FAM153A: variants seen among roughly 807,000 people sequenced by gnomAD.
FAM153A encodes the protein protein FAM153A.
Under a neutral mutation model 48.1 loss-of-function variants are expected in FAM153A, and 12 were observed. That is an observed-to-expected ratio of 0.25 (90% CI 0.16 to 0.40). The LOEUF (loss-of-function observed/expected upper bound fraction) is 0.40, where lower values mean the gene tolerates loss of function less well. Ranked by LOEUF, FAM153A falls within the 10% of genes least tolerant of loss-of-function variation. FAM153A has a pLI of 1.00. For missense variants in FAM153A, 111 were observed against 345.8 expected, an observed-to-expected ratio of 0.32 and a Z score of 5.38; for synonymous variants, 36 against 118.2, an observed-to-expected ratio of 0.30 and a Z score of 4.51.
upstream of FAM153A, among the ~76,000 whole-genome samples, chr5:177,754,462 C>G (rs1767477310): frequency 6.6e-6 from 1 of 151,948 alleles, no homozygotes; most frequent in South Asian, 2.1e-4. Flanking sequence ...CTTAAATGTC[C>G]CTGTCTGACA....
chr5:177,737,223 C>T, intron 10 of FAM153A, 111 bp from the exon 13 acceptor site: 1 of 1,578,156 alleles, frequency 6.3e-7, no homozygotes, highest in East Asian at 2.3e-5. Flanking sequence ...GTTCACAGCA[C>T]AGACTCAGCT....
chr5:177,707,159 A>G (rs1251663920), downstream of FAM153A, among the ~76,000 whole-genome samples: 1 of 151,890 alleles, frequency 6.6e-6, no homozygotes, highest in Non-Finnish European at 1.5e-5. Flanking sequence ...CAAAGACCAG[A>G]CTGACTCCAA....
At chr5:177,724,077 G>A in exon 21 of FAM153A, 3 of 1,610,790 alleles carry the variant, frequency 1.9e-6, no homozygotes, top group Non-Finnish European at 2.5e-6. Flanking sequence ...CCTGGAGCAT[G>A]TTCTCAGGGC....
intron 6 of FAM153A, 138 bp from the exon 9 acceptor site, chr5:177,741,470 T>A: frequency 1.3e-6 from 1 of 742,388 alleles, no homozygotes; most frequent in Admixed American, 3.8e-5. Context: ...TGCCAGAACA[T>A]CCTCCTTGGT....
the FAM153A span, among the ~76,000 whole-genome samples, chr5:177,698,516 C>T: frequency 2.0e-5 from 3 of 151,730 alleles, no homozygotes; most frequent in African/African-American, 7.3e-5. Context: ...GCTTATTGCC[C>T]TCTAAAAGAG....
intron 6 of FAM153A, among the ~76,000 whole-genome samples, chr5:177,743,621 T>C (rs866356904): frequency 2.0e-3 from 193 of 97,274 alleles, no homozygotes; most frequent in African/African-American, 7.3e-3. Flanking sequence ...CGCTGTAGCA[T>C]GAGGCTGCTC....
upstream of FAM153A, among the ~76,000 whole-genome samples, chr5:177,781,870 C>T (rs1373026920): frequency 1.1e-5 from 1 of 91,118 alleles, no homozygotes; most frequent in African/African-American, 4.1e-5. Context: ...AGGCGCCCGC[C>T]ACCACGCCCG....
exon 2 of FAM153A, chr5:177,750,969 T>G: frequency 2.2e-6 from 3 of 1,356,828 alleles, no homozygotes; most frequent in Non-Finnish European, 3.0e-6. Flanking sequence ...CAGTGATAGG[T>G]GATTGGCTTC....
the FAM153A span, among the ~76,000 whole-genome samples, chr5:177,695,807 C>T: frequency 1.3e-5 from 2 of 151,662 alleles, no homozygotes; most frequent in Non-Finnish European, 2.9e-5. Flanking sequence ...GATGGGGCGG[C>T]CGGGCAGAGG....
chr5:177,752,863 G>T (rs1162099227), intron 1 of FAM153A, among the ~76,000 whole-genome samples: 1 of 137,606 alleles, frequency 7.3e-6, no homozygotes, highest in Non-Finnish European at 1.5e-5. Context: ...GGGAGGTGGA[G>T]GTTGCTGTGA....
chr5:177,713,503 C>T (rs1190681300), intron 26 of FAM153A, among the ~76,000 whole-genome samples: 2 of 151,548 alleles, frequency 1.3e-5, no homozygotes, highest in Non-Finnish European at 2.9e-5. Flanking sequence ...GTGATCCGCC[C>T]ACCTCAGCCT....
chr5:177,717,120 A>G (rs1286042157), intron 24 of FAM153A: 2 of 147,304 alleles, frequency 1.4e-5, no homozygotes, highest in Admixed American at 1.4e-4. Context: ...AGTAAAGTCA[A>G]AGGTAGAATT....
rs1210631821 is a variant in FAM153A at position 177,752,759 on chromosome 5, C to T, written c.31+417G>A. On this transcript the variant is annotated intron_variant, in intron 1 of 20. Coordinates refer to ENST00000614127, the Ensembl canonical transcript of FAM153A. ...CCTTGCCAACATGGTAAAACCCTGT[C>T]TCTACTAAACATACGAAAATTAGCC... Among the ~76,000 whole-genome samples, 15 of 134,378 alleles carry T rather than the reference C, an allele frequency of 1.1e-4. No homozygotes were observed. In the South Asian group the frequency reaches 3.1e-3, roughly 28 times the overall value. The allele number at this position is 134,378 out of a possible 152,430, so 88.2% of individuals were successfully genotyped here. A position where few individuals can be genotyped will look rare whatever the true frequency, so the allele number is the denominator to read the frequency against.
At chr5:177,707,154 A>G (rs1757949486), downstream of FAM153A, among the ~76,000 whole-genome samples, 1 of 151,866 alleles carries the variant, frequency 6.6e-6, no homozygotes, top group Admixed American at 6.6e-5. Context: ...AGTAACAAAG[A>G]CCAGACTGAC....
downstream of FAM153A, among the ~76,000 whole-genome samples, chr5:177,710,317 G>A (rs1007834782): frequency 1.3e-5 from 2 of 150,410 alleles, no homozygotes; most frequent in African/African-American, 2.5e-5. Flanking sequence ...TCACCATGTT[G>A]GCCAGGCTGG....
upstream of FAM153A, among the ~76,000 whole-genome samples, chr5:177,757,708 CA>C (rs1262327455): frequency 6.6e-6 from 1 of 151,228 alleles, no homozygotes; most frequent in African/African-American, 2.5e-5. Flanking sequence ...AGCATATAAA[CA>C]GAACCAAAGA....
At chr5:177,711,310 TGAAGCAACC>T (rs1159463577) in exon 27 of FAM153A, 3 of 152,062 alleles carry the variant, frequency 2.0e-5, no homozygotes, top group Non-Finnish European at 4.4e-5. Flanking sequence ...AGAATAATGC[TGAAGCAACC>T]TCTTCCAAGT....
downstream of FAM153A, among the ~76,000 whole-genome samples, chr5:177,707,133 C>G (rs1426508805): frequency 5.3e-5 from 8 of 151,834 alleles, no homozygotes; most frequent in Non-Finnish European, 1.0e-4. Flanking sequence ...GACACACCCT[C>G]TAGGCAGAAA....
upstream of FAM153A, among the ~76,000 whole-genome samples, chr5:177,756,716 C>T (rs1767775108): frequency 6.6e-6 from 1 of 151,482 alleles, no homozygotes; most frequent in East Asian, 1.9e-4. Context: ...GGAAACTGAA[C>T]AACCTGCTCC....
Sources: allele counts gnomAD v4.1 joint callset (sites outside exome capture counted in the v4.1 genomes callset), GRCh38; gene constraint gnomAD v4.1.1; transcripts MANE v1.5; gene names NCBI Gene and HGNC (gene_info 2026-07-23, HGNC 2026-07-21).